Variants in MDGA2 observed in about 807,000 individuals in gnomAD.
The protein encoded by MDGA2 is MAM domain-containing glycosylphosphatidylinositol anchor protein 2.
MDGA2 carries 40 observed loss-of-function variants against 117.8 expected under a neutral mutation model. The ratio of observed to expected loss-of-function variants is 0.34; its 90% confidence interval spans 0.26 to 0.44. MDGA2 has a LOEUF of 0.44. Ranked by LOEUF, MDGA2 falls within the 20% of genes least tolerant of loss-of-function variation. MDGA2 has a pLI of 1.00. For missense variants in MDGA2, 1,123 were observed against 1,250.6 expected, an observed-to-expected ratio of 0.90 and a Z score of 1.54; for synonymous variants, 452 against 439.0, an observed-to-expected ratio of 1.03 and a Z score of -0.37.
At chr14:46,849,720 A>G (rs1378974745) in intron 15 of MDGA2, among the ~76,000 whole-genome samples, 2 of 151,932 alleles carry the variant, frequency 1.3e-5, no homozygotes, top group African/African-American at 4.8e-5. Context: ...TCTTAATTAT[A>G]TTTATCTCGA....
intron 1 of MDGA2, among the ~76,000 whole-genome samples, chr14:47,451,476 A>G (rs1893239586): frequency 6.6e-6 from 1 of 152,128 alleles, no homozygotes; most frequent in Admixed American, 6.6e-5. Flanking sequence ...ACAGGATATG[A>G]TTCTGGGAAA....
At position 47,657,804 on chromosome 14, in the gene MDGA2, G is replaced by A. The variant is rs547290366; in HGVS notation, c.280+16713C>T. Among the ~76,000 whole-genome samples, 8 of 152,246 alleles carry A rather than the reference G, an allele frequency of 5.3e-5. No individual in the cohort carries two copies. In the South Asian group the frequency reaches 1.7e-3, roughly 32 times the overall value. On this transcript the variant is annotated intron_variant, in intron 1 of 16. Coordinates refer to ENST00000399232, the MANE Select transcript of MDGA2 (RefSeq NM_001113498.3). ...ATCATCTAATAGAAAACTTTTGAAGGAGCAGCATTAATTCAGCAGCTTGGA... is the reference window on the plus strand; with the variant it reads ...ATCATCTAATAGAAAACTTTTGAAGAAGCAGCATTAATTCAGCAGCTTGGA...
intron 6 of MDGA2, among the ~76,000 whole-genome samples, chr14:47,090,518 G>A (rs1287830667): frequency 6.6e-6 from 1 of 152,132 alleles, no homozygotes; most frequent in Admixed American, 6.5e-5. Context: ...GGGTATCAAG[G>A]CGTCATGGGA....
chr14:47,352,221 T>C (rs1313278468), intron 1 of MDGA2, among the ~76,000 whole-genome samples: 1 of 152,152 alleles, frequency 6.6e-6, no homozygotes, highest in Admixed American at 6.6e-5. Flanking sequence ...CAGCCCCCAT[T>C]ACTTTAGTCA....
At chr14:47,130,287 A>T (rs1044762617) in intron 5 of MDGA2, among the ~76,000 whole-genome samples, 3 of 152,008 alleles carry the variant, frequency 2.0e-5, no homozygotes, top group Non-Finnish European at 4.4e-5. Context: ...TAAGGAAGGG[A>T]TCCAGTTTCA....
At chr14:47,304,020 C>T (rs1302321783) in intron 1 of MDGA2, among the ~76,000 whole-genome samples, 1 of 152,116 alleles carries the variant, frequency 6.6e-6, no homozygotes, top group East Asian at 1.9e-4. Flanking sequence ...AGGTAATTGC[C>T]TGCATACTGC....
At chr14:47,607,402 T>A (rs1896761538) in intron 1 of MDGA2, among the ~76,000 whole-genome samples, 1 of 152,198 alleles carries the variant, frequency 6.6e-6, no homozygotes, top group South Asian at 2.1e-4. Context: ...TTACTGCAGC[T>A]AAGAAGGAAA....
chr14:47,426,762 A>T (rs1892700411), intron 1 of MDGA2, among the ~76,000 whole-genome samples: 2 of 147,412 alleles, frequency 1.4e-5, no homozygotes, highest in Admixed American at 1.4e-4. Flanking sequence ...ACAATAGAGG[A>T]TTCACTGAAT....
chr14:47,403,515 A>G (rs984934432), intron 1 of MDGA2, among the ~76,000 whole-genome samples: 1 of 152,104 alleles, frequency 6.6e-6, no homozygotes, highest in Non-Finnish European at 1.5e-5. Flanking sequence ...TGTCCGTTAA[A>G]CTGACAAATC....
At chr14:47,217,830 A>G (rs559740016) in intron 3 of MDGA2, among the ~76,000 whole-genome samples, 191 bp downstream of exon 3, 73 of 152,226 alleles carry the variant, frequency 4.8e-4, no homozygotes, top group African/African-American at 1.6e-3. Context: ...TATGTATTAT[A>G]TCATAGAAGT....
chr14:47,317,108 T>C (rs1479553709), intron 1 of MDGA2, among the ~76,000 whole-genome samples: 1 of 152,118 alleles, frequency 6.6e-6, no homozygotes, highest in Non-Finnish European at 1.5e-5. Flanking sequence ...CACATGATCC[T>C]AATTCAGATT....
At chr14:47,317,903 A>G (rs1389996961) in intron 1 of MDGA2, among the ~76,000 whole-genome samples, 3 of 152,060 alleles carry the variant, frequency 2.0e-5, no homozygotes, top group Non-Finnish European at 4.4e-5. Context: ...ATATCCCAAT[A>G]TATCCAATTG....
At chr14:47,213,970 C>T (rs915798415) in intron 3 of MDGA2, among the ~76,000 whole-genome samples, 4 of 151,916 alleles carry the variant, frequency 2.6e-5, no homozygotes, top group Non-Finnish European at 4.4e-5. Flanking sequence ...ACCTTTTTGG[C>T]GAGTAGTAGC....
chr14:47,648,978 A>G (rs1444634383), intron 1 of MDGA2, among the ~76,000 whole-genome samples: 1 of 152,202 alleles, frequency 6.6e-6, no homozygotes, highest in Admixed American at 6.5e-5. Flanking sequence ...ACACTTAAAA[A>G]TGATGGTTTA....
chr14:47,510,540 C>A (rs182817695), intron 1 of MDGA2, among the ~76,000 whole-genome samples: 4 of 152,090 alleles, frequency 2.6e-5, no homozygotes, highest in Non-Finnish European at 5.9e-5. Context: ...GATTGTTTAA[C>A]TCAATGTCTT....
intron 5 of MDGA2, among the ~76,000 whole-genome samples, chr14:47,121,849 T>C (rs555643791): frequency 6.6e-6 from 1 of 152,212 alleles, no homozygotes; most frequent in Admixed American, 6.5e-5. Flanking sequence ...AGCACAAATA[T>C]TTGCAAAGAG....
chr14:47,587,718 G>A (rs980219665), intron 1 of MDGA2, among the ~76,000 whole-genome samples: 1 of 151,832 alleles, frequency 6.6e-6, no homozygotes, highest in Non-Finnish European at 1.5e-5. Context: ...GCTCTACTCA[G>A]ATACAATCTG....
chr14:47,595,567 A>AC (rs1046081696), intron 1 of MDGA2, among the ~76,000 whole-genome samples: 1 of 151,292 alleles, frequency 6.6e-6, no homozygotes, highest in African/African-American at 2.4e-5. Flanking sequence ...CAAAAAAAAA[A>AC]AAAACCCAGC....
chr14:47,058,032 C>T (rs945716935), intron 7 of MDGA2, among the ~76,000 whole-genome samples: 47 of 152,112 alleles, frequency 3.1e-4, no homozygotes, highest in African/African-American at 1.0e-3. Flanking sequence ...TCATCAAAAA[C>T]ATATGTTGAA....
Sources: allele counts gnomAD v4.1 joint callset (sites outside exome capture counted in the v4.1 genomes callset), GRCh38; gene constraint gnomAD v4.1.1; transcripts MANE v1.5; gene names NCBI Gene and HGNC (gene_info 2026-07-23, HGNC 2026-07-21).